The following ALX4 variants were observed in gnomAD, a reference collection of about 807,000 sequenced individuals.
The protein encoded by ALX4 is homeobox protein aristaless-like 4.
In ALX4, 22 loss-of-function variants were observed where a neutral mutation model predicts 40.6. That is an observed-to-expected ratio of 0.54 (90% CI 0.39 to 0.77). The LOEUF is 0.77. ALX4 is among the 30% of genes least tolerant of loss of function. The probability of loss-of-function intolerance (pLI) is 0.00; values close to 1 mark genes in which losing one functional copy is unlikely to be tolerated. For missense variants in ALX4, 556 were observed against 564.8 expected, an observed-to-expected ratio of 0.98 and a Z score of 0.16; for synonymous variants, 266 against 240.5, an observed-to-expected ratio of 1.11 and a Z score of -0.98.
intron 2 of ALX4, among the ~76,000 whole-genome samples, chr11:44,272,504 A>G (rs146167017): frequency 3.5e-5 from 1 of 28,638 alleles, no homozygotes; most frequent in African/African-American, 1.3e-4. Flanking sequence ...ACTCTGTCTA[A>G]AAAAAAAAAA....
At chr11:44,290,401 A>C (rs893016002) in intron 1 of ALX4, among the ~76,000 whole-genome samples, 3 of 152,268 alleles carry the variant, frequency 2.0e-5, no homozygotes, top group Non-Finnish European at 2.9e-5. Context: ...TTCCTGGAGC[A>C]CCAGCTATGC....
chr11:44,267,718 C>T (rs1956221811), intron 2 of ALX4, 96 bp from the exon 3 acceptor site: 4 of 1,563,028 alleles, frequency 2.6e-6, no homozygotes, highest in Non-Finnish European at 2.6e-6. Context: ...AGCCCCCCAT[C>T]AGTTGCAGTG....
At chr11:44,274,504 G>A (rs1357902977) in intron 2 of ALX4, among the ~76,000 whole-genome samples, 4 of 152,044 alleles carry the variant, frequency 2.6e-5, no homozygotes, top group Admixed American at 1.3e-4. Context: ...GTTGTGTTGT[G>A]TTAGGTTGAG....
intron 1 of ALX4, among the ~76,000 whole-genome samples, chr11:44,277,741 G>C (rs1333754296): frequency 1.3e-5 from 2 of 152,164 alleles, no homozygotes; most frequent in Non-Finnish European, 2.9e-5. Context: ...CCTCTCCAAG[G>C]CATCAAGGAA....
chr11:44,279,855 C>T (rs1956298730), intron 1 of ALX4, among the ~76,000 whole-genome samples: 1 of 151,894 alleles, frequency 6.6e-6, no homozygotes, highest in African/African-American at 2.4e-5. Context: ...GCCGTTTGTC[C>T]CTTCTCAGCC....
intron 1 of ALX4, among the ~76,000 whole-genome samples, chr11:44,308,431 C>T (rs992279160): frequency 2.0e-5 from 3 of 152,362 alleles, no homozygotes; most frequent in African/African-American, 7.2e-5. Flanking sequence ...AAATTCCCTG[C>T]CCCCAACTCT....
At chr11:44,306,529 G>A (rs965253020) in intron 1 of ALX4, among the ~76,000 whole-genome samples, 1 of 152,258 alleles carries the variant, frequency 6.6e-6, no homozygotes, top group Non-Finnish European at 1.5e-5. Context: ...TGAAAGAACA[G>A]CTTTCGCCCC....
At chr11:44,281,066 G>A (rs1956307275) in intron 1 of ALX4, among the ~76,000 whole-genome samples, 1 of 152,104 alleles carries the variant, frequency 6.6e-6, no homozygotes. Context: ...TTTTAAAACA[G>A]GAAAACCCTT....
chr11:44,280,675 A>G (rs1956304540), intron 1 of ALX4, among the ~76,000 whole-genome samples: 1 of 152,226 alleles, frequency 6.6e-6, no homozygotes. Flanking sequence ...CCATCAATCA[A>G]GTAGTGAACC....
intron 1 of ALX4, 120 bp downstream of exon 1, chr11:44,309,477 G>C (rs1335109578): frequency 1.3e-6 from 2 of 1,489,848 alleles, no homozygotes; most frequent in Non-Finnish European, 1.8e-6. Context: ...TTACCGACCA[G>C]AGTCACCACC....
intron 1 of ALX4, among the ~76,000 whole-genome samples, chr11:44,308,710 G>A (rs76877449): frequency 0.017 from 2,558 of 152,336 alleles, 44 homozygotes; most frequent in Non-Finnish European, 0.02. Context: ...CAGCTTGGAG[G>A]TCATTTAGGC....
At chr11:44,294,500 C>T (rs1055653110) in intron 1 of ALX4, among the ~76,000 whole-genome samples, 2 of 152,232 alleles carry the variant, frequency 1.3e-5, no homozygotes, top group African/African-American at 4.8e-5. Context: ...CGAGGTGCAG[C>T]AGCCTATGGG....
rs1956220512 is a variant in ALX4, at chr11:44,267,526, G to A, written c.874C>T (p.Pro292Ser). Residue 292 changes from proline (P) to serine (S), a missense_variant, in exon 3 of 4, where the codon CCC (proline) becomes TCC (serine). Transcript: ENST00000652299. ...TAGTTCTCAGCTCGGGTGAGGAGGG[G>A]CAGCTCATATGCAGTGGAGAAGTGG... ...RTHFSTAYEL[P>S]LLTRAENYAQ... 2.5e-6 allele frequency: 4 copies of A among 1,614,038 alleles called. No individual in the cohort carries two copies. The highest frequency in any genetic ancestry group is 2.2e-5 in the South Asian group (2 of 91,080).
At chr11:44,304,357 T>TG (rs1956453662) in intron 1 of ALX4, among the ~76,000 whole-genome samples, 1 of 152,162 alleles carries the variant, frequency 6.6e-6, no homozygotes, top group Admixed American at 6.5e-5. Context: ...AACAGGGGTT[T>TG]GGGGGGCTAA....
At chr11:44,306,872 G>T (rs946316360) in intron 1 of ALX4, among the ~76,000 whole-genome samples, 4 of 152,072 alleles carry the variant, frequency 2.6e-5, no homozygotes, top group African/African-American at 9.7e-5. Context: ...TAGACCTAAC[G>T]CGCCTAATCC....
At chr11:44,278,843 G>T (rs1956293044) in intron 1 of ALX4, among the ~76,000 whole-genome samples, 1 of 152,162 alleles carries the variant, frequency 6.6e-6, no homozygotes, top group Non-Finnish European at 1.5e-5. Flanking sequence ...GGAGGAGAGG[G>T]GGAGGGTGTG....
chr11:44,267,425 C>T (rs1956219720), intron 3 of ALX4, 69 bp downstream of exon 3: 4 of 1,598,892 alleles, frequency 2.5e-6, no homozygotes, highest in Admixed American at 3.4e-5. Flanking sequence ...CTGGGCTCTC[C>T]TCCAAGGGGC....
intron 1 of ALX4, among the ~76,000 whole-genome samples, chr11:44,276,144 G>T (rs922069136): frequency 2.0e-5 from 3 of 152,162 alleles, no homozygotes; most frequent in Non-Finnish European, 4.4e-5. Context: ...AGACAGGAGT[G>T]CCCCTCCTTT....
chr11:44,288,081 A>C (rs1241180034), intron 1 of ALX4, among the ~76,000 whole-genome samples: 1 of 152,168 alleles, frequency 6.6e-6, no homozygotes, highest in African/African-American at 2.4e-5. Flanking sequence ...GGTTCAAGTG[A>C]TTCCCTATGT....
Sources: gnomAD v4.1 joint callset for allele counts (sites outside exome capture counted in the v4.1 genomes callset) on GRCh38, gnomAD v4.1.1 for gene constraint, MANE v1.5 for transcripts, NCBI Gene and HGNC (gene_info 2026-07-23, HGNC 2026-07-21) for gene names.